SLC19A3: variants seen among roughly 807,000 people sequenced by gnomAD.
SLC19A3 encodes solute carrier family 19 member 3, also known as thiamine transporter 2.
In SLC19A3, 31 loss-of-function variants were observed where a neutral mutation model predicts 40.2. The ratio of observed to expected loss-of-function variants is 0.77; its 90% confidence interval spans 0.58 to 1.04. The LOEUF is 1.04. Among genes scored for constraint, SLC19A3 ranks in the 50% least tolerant of loss-of-function variants. The pLI, the probability that SLC19A3 is intolerant of heterozygous loss-of-function variation, is 0.00. For missense variants in SLC19A3, 592 were observed against 596.7 expected (o/e 0.99, Z 0.08); for synonymous variants, 212 against 227.5 (o/e 0.93, Z 0.61).
rs1403937192 is a variant in SLC19A3 at position 227,703,694 on chromosome 2, T to C, written c.-2-1374A>G. Among the ~76,000 whole-genome samples the C allele has an allele frequency of 6.6e-6, 1 of 152,204 alleles. No individual in the cohort carries two copies. Among genetic ancestry groups the C allele is most frequent in the Non-Finnish European group, 1.5e-5 (1 of 68,036 alleles). On this transcript the variant is annotated intron_variant, in intron 1 of 5. Transcript: ENST00000644224. This position sits in a 1 kb window ranked among gnomAD's most constrained non-coding sequence, Gnocchi z 4.7. ...TCTGTCTTCGTTGTTAATGATCTTA[T>C]AGAAATGGCTGTCCTGGACAGGTGA...
At position 227,699,543 on chromosome 2, in the gene SLC19A3, C is replaced by A. The variant is rs200412423; in HGVS notation, c.172G>T (p.Val58Phe). The change falls in exon 3 of 6, where the codon GTT (valine) becomes TTT (phenylalanine). Residue 58 changes from valine (V) to phenylalanine (F), a missense_variant. Coordinates refer to ENST00000644224, the MANE Select transcript of SLC19A3 (RefSeq NM_025243.4). ...SAEITNEIFP[V>F]WTYSYLVLLL... The stretch of plus-strand genomic sequence containing the variant: ...AGCACCAGGTAGGAGTATGTCCAAA[C>A]GGGGAAGATCTCATTTGTTATCTGC... The A allele has an allele frequency of 3.1e-6, 5 of 1,614,108 alleles. No individual in the cohort carries two copies. The highest frequency in any genetic ancestry group is 1.7e-5 in the Admixed American group (1 of 60,004).
rs1300634848 is a variant in SLC19A3 at position 227,708,590 on chromosome 2, A to C, written c.-2-6270T>G. ...CAAACAAACAAACAAACAAACAAACAAACCAAAAAAACAACAAAAAAAACT... is the reference window on the plus strand; with the variant it reads ...CAAACAAACAAACAAACAAACAAACCAACCAAAAAAACAACAAAAAAAACT... On this transcript the variant is annotated intron_variant, in intron 1 of 5. Coordinates refer to ENST00000644224, the MANE Select transcript of SLC19A3 (RefSeq NM_025243.4). Among the ~76,000 whole-genome samples the C allele has an allele frequency of 1.2e-4, 16 of 130,148 alleles. 1 individual carries two copies. The highest frequency in any genetic ancestry group is 7.8e-4 in the Admixed American group (10 of 12,760). 85.4% of individuals were successfully genotyped at this position (130,148 alleles called of 152,430 possible). A position where few individuals can be genotyped will look rare whatever the true frequency, so the allele number is the denominator to read the frequency against.
intron 5 of SLC19A3, among the ~76,000 whole-genome samples, chr2:227,687,949 G>A (rs544556824): frequency 6.6e-6 from 1 of 152,272 alleles, no homozygotes; most frequent in South Asian, 2.1e-4. Context: ...ATAAATTTAA[G>A]CATTGAGGTT....
In SLC19A3 at chr2:227,690,091, C is replaced by A. The variant is rs541694154; in HGVS notation, c.1173-1784G>T. Among the ~76,000 whole-genome samples the A allele has an allele frequency of 4.6e-5, 7 of 152,218 alleles. No individual in the cohort carries two copies. In the South Asian group the frequency reaches 1.2e-3, roughly 27 times the overall value. On this transcript the variant is annotated intron_variant, in intron 4 of 5. Coordinates refer to ENST00000644224, the MANE Select transcript of SLC19A3 (RefSeq NM_025243.4). ...AAAGGAAGAAAGAAAAGGAAAAACACTGCAAAACCAGAAAAGAAATAACAA... is the reference window on the plus strand; with the variant it reads ...AAAGGAAGAAAGAAAAGGAAAAACAATGCAAAACCAGAAAAGAAATAACAA...
chr2:227,688,206 A>G lies in SLC19A3; in HGVS notation c.1274T>C (p.Val425Ala). The G allele has an allele frequency of 3.1e-6, 5 of 1,614,110 alleles. No individual in the cohort carries two copies. The highest frequency in any genetic ancestry group is 4.2e-6 in the Non-Finnish European group (5 of 1,179,982). ...CAAGTTGAGCCCTCTCTGATCTACT[A>G]CAATCACAGTCATGATGGTCTGAAT... ...LVIQTIMTVI[V>A]VDQRGLNLPV... is the part of the protein sequence containing the mutation. Residue 425 changes from valine to alanine, a missense_variant, in exon 5 of 6, where the codon GTA (valine) becomes GCA (alanine). Val to Ala is a moderately conservative substitution (Grantham distance 64). Coordinates refer to ENST00000644224, the MANE Select transcript of SLC19A3 (RefSeq NM_025243.4).
intron 4 of SLC19A3, among the ~76,000 whole-genome samples, chr2:227,694,610 T>C (rs1172234394): frequency 1.3e-5 from 2 of 152,232 alleles, no homozygotes; most frequent in African/African-American, 2.4e-5. Context: ...TTTTGGTTAA[T>C]AGCAAAGCAT....
rs1199678520 is a variant in SLC19A3 at position 227,699,326 on chromosome 2, A to G, written c.389T>C (p.Val130Ala). 2 of 1,614,030 alleles carry G rather than the reference A, an allele frequency of 1.2e-6. No homozygotes were observed. The highest frequency in any genetic ancestry group is 1.7e-6 in the Non-Finnish European group (2 of 1,180,034). Residue 130 changes from valine (V) to alanine (A), a missense_variant, in exon 3 of 6, where the codon GTG (valine) becomes GCG (alanine). Val to Ala is a moderately conservative substitution (Grantham distance 64). Coordinates refer to ENST00000644224, the MANE Select transcript of SLC19A3 (RefSeq NM_025243.4). ...EVAYYAYIYSVVSPEHYQRVS... is the reference protein window; with the variant it reads ...EVAYYAYIYSAVSPEHYQRVS... The stretch of plus-strand genomic sequence containing the variant: ...TCTCTGGTAGTGCTCGGGGCTGACC[A>G]CGCTGTATATGTAGGCGTAGTAGGC...
chr2:227,714,335 C>G (rs1696254356), intron 1 of SLC19A3: 1 of 732,466 alleles, frequency 1.4e-6, no homozygotes, highest in South Asian at 6.2e-5. Flanking sequence ...GCCCGTAACG[C>G]AAAGCTAGGA....
chr2:227,698,321 C>T lies in SLC19A3; in HGVS notation c.979+415G>A, dbSNP rs974379295. Among the ~76,000 whole-genome samples the T allele has an allele frequency of 1.6e-4, 25 of 151,580 alleles. 1 individual carries two copies. The highest frequency in any genetic ancestry group is 1.3e-3 in the South Asian group (6 of 4,770). On this transcript the variant is annotated intron_variant, in intron 3 of 5. Coordinates refer to ENST00000644224, the MANE Select transcript of SLC19A3 (RefSeq NM_025243.4). ...GACTACAGGCATCCGCCACCATGAC[C>T]GGCTAATTTCTTTGTATTTTTAGTA...
intron 4 of SLC19A3, among the ~76,000 whole-genome samples, chr2:227,693,056 C>A (rs953402430): frequency 6.6e-6 from 1 of 152,030 alleles, no homozygotes; most frequent in African/African-American, 2.4e-5. Context: ...CACACACACA[C>A]AAAATGGAAT....
chr2:227,715,839 A>T (rs1696316758), intron 1 of SLC19A3, among the ~76,000 whole-genome samples: 1 of 150,644 alleles, frequency 6.6e-6, no homozygotes, highest in Non-Finnish European at 1.5e-5. Flanking sequence ...AGTGCCAGGT[A>T]GTTGGGAGAC....
rs375912117 is a variant in SLC19A3, at chr2:227,703,766, C to T, written c.-2-1446G>A. On this transcript the variant is annotated intron_variant, in intron 1 of 5. Coordinates refer to ENST00000644224, the MANE Select transcript of SLC19A3 (RefSeq NM_025243.4). This position sits in a 1 kb window ranked among gnomAD's most constrained non-coding sequence, Gnocchi z 4.7. Reference sequence around the variant, plus strand: ...CTGAAGAGTGGTCTTGCTGGGGTAGCATCTGCTGGCTCTATATCCAGAGCC... The same window carrying T: ...CTGAAGAGTGGTCTTGCTGGGGTAGTATCTGCTGGCTCTATATCCAGAGCC... Among the ~76,000 whole-genome samples, 4 of 152,294 alleles carry T rather than the reference C, an allele frequency of 2.6e-5. No individual in the cohort carries two copies. The highest frequency in any genetic ancestry group is 2.0e-4 in the Admixed American group (3 of 15,288).
At chr2:227,713,541 A>G (rs942523465) in intron 1 of SLC19A3, among the ~76,000 whole-genome samples, 1 of 151,592 alleles carries the variant, frequency 6.6e-6, no homozygotes, top group Non-Finnish European at 1.5e-5. Flanking sequence ...TCATCATGGG[A>G]GGGGAACTGG....
chr2:227,699,333 A>T lies in SLC19A3; in HGVS notation c.382T>A (p.Tyr128Asn). The T allele has an allele frequency of 6.2e-7, 1 of 1,614,174 alleles. No homozygotes were observed. Among genetic ancestry groups the T allele is most frequent in the Non-Finnish European group, 8.5e-7 (1 of 1,180,038 alleles). The change falls in exon 3 of 6, where the codon TAC (tyrosine) becomes AAC (asparagine). Residue 128 changes from tyrosine (Y) to asparagine (N), a missense_variant. By Grantham distance (143) the Tyr-to-Asn change is moderately radical. Transcript: ENST00000644224. ...AAEVAYYAYI[Y>N]SVVSPEHYQR... Reference sequence around the variant, plus strand: ...TAGTGCTCGGGGCTGACCACGCTGTATATGTAGGCGTAGTAGGCCACCTCG... The same window carrying T: ...TAGTGCTCGGGGCTGACCACGCTGTTTATGTAGGCGTAGTAGGCCACCTCG...
chr2:227,684,664 C>T lies in SLC19A3; in HGVS notation c.*2733G>A, dbSNP rs575999376. ...GTTTGTCTAATTGTGATGCCTAATG[C>T]CTCCAGAATAATAAGTTAAAAAAGA... On this transcript the variant is annotated 3_prime_UTR_variant, in exon 6 of 6. Coordinates refer to ENST00000644224, the MANE Select transcript of SLC19A3 (RefSeq NM_025243.4). 9 of 152,086 alleles carry T rather than the reference C, an allele frequency of 5.9e-5. No homozygotes were observed. The highest frequency in any genetic ancestry group is 1.4e-4 in the African/African-American group (6 of 41,486). The allele number at this position is 152,086 out of a possible 1,614,324, so 9.4% of individuals were successfully genotyped here.
At chr2:227,710,126 C>T (rs1696088122) in intron 1 of SLC19A3, among the ~76,000 whole-genome samples, 1 of 152,094 alleles carries the variant, frequency 6.6e-6, no homozygotes. Context: ...GTAATGCTTG[C>T]TTGCCCGCCA....
chr2:227,712,055 A>C (rs1024792305), intron 1 of SLC19A3, among the ~76,000 whole-genome samples: 144 of 74,294 alleles, frequency 1.9e-3, no homozygotes, highest in Non-Finnish European at 3.8e-3. Context: ...GTCTCCAAAA[A>C]AAAAAAAAAA....
intron 2 of SLC19A3, chr2:227,700,803 T>C (rs541056869): frequency 1.5e-6 from 1 of 645,500 alleles, no homozygotes; most frequent in Non-Finnish European, 2.3e-6. Context: ...ATCTCACAGA[T>C]TTAGTCAGAA....
chr2:227,708,559 AT>A (rs1696030272), intron 1 of SLC19A3, among the ~76,000 whole-genome samples: 1 of 66,988 alleles, frequency 1.5e-5, no homozygotes, highest in Non-Finnish European at 3.6e-5. Flanking sequence ...CCCTGTCTCT[AT>A]CAAACAAACA....
Sources: gnomAD v4.1 joint callset for allele counts (sites outside exome capture counted in the v4.1 genomes callset) on GRCh38, gnomAD v4.1.1 for gene constraint, Gnocchi (gnomAD v3.1) non-coding constraint, MANE v1.5 for transcripts, NCBI Gene and HGNC (gene_info 2026-07-23, HGNC 2026-07-21) for gene names.